Variants in DCDC2 observed in about 807,000 individuals in gnomAD.
The protein encoded by DCDC2 is doublecortin domain containing 2.
In DCDC2, 40 loss-of-function variants were observed where a neutral mutation model predicts 50.2. The ratio of observed to expected loss-of-function variants is 0.80; its 90% CI spans 0.62 to 1.04. The LOEUF (loss-of-function observed/expected upper bound fraction) is 1.04. Ranked by LOEUF, DCDC2 falls within the 50% of genes least tolerant of loss-of-function variation. DCDC2 has a pLI of 0.00. For synonymous variants in DCDC2, 234 were observed against 210.6 expected, an observed-to-expected ratio of 1.11 and a Z score of -0.96; for missense variants, 570 against 581.9, an observed-to-expected ratio of 0.98 and a Z score of 0.21.
At position 24,357,519 on chromosome 6, in the gene DCDC2, C is replaced by T. The variant is rs1194201712; in HGVS notation, c.232G>A (p.Asp78Asn). The T allele has an allele frequency of 6.2e-7, 1 of 1,613,554 alleles. No individual in the cohort carries two copies. The highest frequency in any genetic ancestry group is 8.5e-7 in the Non-Finnish European group (1 of 1,180,008). The change falls in exon 1 of 10, where the codon GAC becomes AAC. Residue 78 changes from aspartate (D) to asparagine (N), a missense_variant. Asp to Asn is a conservative substitution (Grantham distance 23). Transcript: ENST00000378454. ...PRTGHRIRKL[D>N]QIQSGGNYVA... Reference sequence around the variant, plus strand: ...TAATTGCCCCCGCTCTGGATCTGGTCTAGCTTCCGGATTCGGTGGCCAGTC... The same window carrying T: ...TAATTGCCCCCGCTCTGGATCTGGTTTAGCTTCCGGATTCGGTGGCCAGTC...
At chr6:24,270,470 A>G (rs1171245518) in intron 7 of DCDC2, among the ~76,000 whole-genome samples, 1 of 151,028 alleles carries the variant, frequency 6.6e-6, no homozygotes, top group Non-Finnish European at 1.5e-5. Context: ...ACCTACATGC[A>G]CACACACACA....
At chr6:24,235,669 T>C (rs1408812250) in intron 7 of DCDC2, among the ~76,000 whole-genome samples, 1 of 152,190 alleles carries the variant, frequency 6.6e-6, no homozygotes, top group Non-Finnish European at 1.5e-5. Flanking sequence ...TAGCGCCATT[T>C]ATGACAAACC....
the DCDC2 span, among the ~76,000 whole-genome samples, chr6:24,381,762 C>T: frequency 4.9e-5 from 6 of 123,444 alleles, no homozygotes; most frequent in Non-Finnish European, 7.9e-5. Context: ...CTGGGCAACA[C>T]AATAAGATCT....
chr6:24,179,925 G>A (rs1761025456), intron 8 of DCDC2, among the ~76,000 whole-genome samples: 2 of 116,054 alleles, frequency 1.7e-5, no homozygotes, highest in African/African-American at 6.8e-5. Context: ...CTGTACTCCA[G>A]CCTGGGCGAC....
chr6:24,175,611 G>A (rs1760888571), intron 9 of DCDC2, among the ~76,000 whole-genome samples: 1 of 152,122 alleles, frequency 6.6e-6, no homozygotes, highest in Admixed American at 6.5e-5. Context: ...ATTTCACACT[G>A]TTCCTTTGTG....
At chr6:24,280,402 T>C (rs1456255169) in intron 6 of DCDC2, among the ~76,000 whole-genome samples, 1 of 152,142 alleles carries the variant, frequency 6.6e-6, no homozygotes, top group East Asian at 1.9e-4. Flanking sequence ...GAGGATTCTT[T>C]CTTGAGAAAC....
At chr6:24,232,804 G>T (rs9295616) in intron 7 of DCDC2, among the ~76,000 whole-genome samples, 18,408 of 151,686 alleles carry the variant, frequency 0.12, 1,247 homozygotes, top group African/African-American at 0.16. Flanking sequence ...AAAGGTGAGT[G>T]AATGAATTAA....
the DCDC2 span, among the ~76,000 whole-genome samples, chr6:24,366,505 A>G: frequency 6.6e-6 from 1 of 152,226 alleles, no homozygotes; most frequent in Non-Finnish European, 1.5e-5. Context: ...GTGCTATAGA[A>G]GAAGGTATCT....
intron 7 of DCDC2, among the ~76,000 whole-genome samples, chr6:24,266,730 A>G (rs969468653): frequency 4.6e-5 from 7 of 152,122 alleles, no homozygotes; most frequent in Non-Finnish European, 1.0e-4. Flanking sequence ...GTAAATTAGC[A>G]TAGCAGAACA....
At chr6:24,356,796 A>G (rs1013538650) in intron 1 of DCDC2, 1 of 152,254 alleles carries the variant, frequency 6.6e-6, no homozygotes, top group Admixed American at 6.5e-5. Context: ...AACACTCACT[A>G]TGAGTGAGCT....
intron 7 of DCDC2, among the ~76,000 whole-genome samples, chr6:24,242,956 C>G (rs1252803490): frequency 2.4e-5 from 2 of 81,838 alleles, no homozygotes; most frequent in East Asian, 4.8e-4. Context: ...AGCAAGATCT[C>G]ATCTCAAAAA....
chr6:24,351,078 CTACCTAAAACAGCCGTAAAAA>C lies in DCDC2; in HGVS notation c.348+2470_348+2490del, dbSNP rs1304548116. ...TGCAAAACCCTTTTCCACTCGTGCT[CTACCTAAAACAGCCGTAAAAA>C]TACCATAGAATTCAGAGTCAAAGTG... On this transcript the variant is annotated intron_variant, in intron 2 of 9. Coordinates refer to ENST00000378454, the MANE Select transcript of DCDC2 (RefSeq NM_016356.5). 2.6e-5 allele frequency among the ~76,000 whole-genome samples: 4 copies of C among 152,180 alleles called. No homozygotes were observed. In the South Asian group the frequency reaches 8.3e-4, roughly 32 times the overall value.
At chr6:24,211,162 C>T (rs1761860015) in intron 7 of DCDC2, among the ~76,000 whole-genome samples, 1 of 152,072 alleles carries the variant, frequency 6.6e-6, no homozygotes, top group African/African-American at 2.4e-5. Flanking sequence ...TGTTCCATCC[C>T]CAGCACTAAA....
chr6:24,363,154 G>C, the DCDC2 span, among the ~76,000 whole-genome samples: 1 of 152,120 alleles, frequency 6.6e-6, no homozygotes, highest in East Asian at 1.9e-4. Context: ...GAGAATGAGA[G>C]AGATGGCCAA....
At chr6:24,383,038 C>A in the DCDC2 span, among the ~76,000 whole-genome samples, 1 of 152,112 alleles carries the variant, frequency 6.6e-6, no homozygotes, top group Non-Finnish European at 1.5e-5. Context: ...AAGAAAACTA[C>A]CCCCTAGGCT....
chr6:24,316,175 G>A (rs1759656573), intron 2 of DCDC2, among the ~76,000 whole-genome samples: 1 of 152,162 alleles, frequency 6.6e-6, no homozygotes, highest in Non-Finnish European at 1.5e-5. Context: ...ATGCAGGCAG[G>A]CTGGGGCTCC....
At chr6:24,232,129 T>C (rs1267655900) in intron 7 of DCDC2, among the ~76,000 whole-genome samples, 1 of 152,132 alleles carries the variant, frequency 6.6e-6, no homozygotes, top group Non-Finnish European at 1.5e-5. Flanking sequence ...TATAAAAAGA[T>C]ATATGGTTAT....
At chr6:24,239,461 G>A (rs956941059) in intron 7 of DCDC2, among the ~76,000 whole-genome samples, 23 of 152,172 alleles carry the variant, frequency 1.5e-4, no homozygotes, top group South Asian at 4.2e-4. Flanking sequence ...ATAGTTGACC[G>A]GCTCAAAGCC....
chr6:24,211,751 G>A, intron 7 of DCDC2, among the ~76,000 whole-genome samples: 1 of 152,154 alleles, frequency 6.6e-6, no homozygotes, highest in Non-Finnish European at 1.5e-5. Context: ...AGAGCCTCCA[G>A]AAGGAACACA....
Sources: allele counts gnomAD v4.1 joint callset (sites outside exome capture counted in the v4.1 genomes callset), GRCh38; gene constraint gnomAD v4.1.1; transcripts MANE v1.5; gene names NCBI Gene and HGNC (gene_info 2026-07-23, HGNC 2026-07-21).